Variants in MACF1 observed in about 807,000 individuals in gnomAD.
MACF1 encodes microtubule-actin cross-linking factor 1.
A neutral mutation model predicts 854.8 loss-of-function variants in MACF1; 193 were observed. That is an observed-to-expected ratio of 0.23 (90% confidence interval 0.20 to 0.25). The LOEUF is 0.25. Ranked by LOEUF, MACF1 falls within the 10% of genes least tolerant of loss-of-function variation. The pLI is 1.00. For missense variants in MACF1, 7,722 were observed against 8,929.1 expected (o/e 0.86, Z 5.45); for synonymous variants, 3,185 against 3,226.7 (o/e 0.99, Z 0.44).
chr1:39,430,689 T>G lies in MACF1; in HGVS notation c.17131-13T>G, dbSNP rs1425523645. The G allele has an allele frequency of 6.2e-7, 1 of 1,609,052 alleles. No individual in the cohort carries two copies. Among genetic ancestry groups the G allele is most frequent in the Non-Finnish European group, 8.5e-7 (1 of 1,177,476 alleles). On this transcript the variant is annotated splice_polypyrimidine_tract_variant and intron_variant, in intron 65 of 100. Transcript: ENST00000564288. ...TAGCAAGGTATGGCCTGAAAACTCT[T>G]TTCCCTCCTTAGGAATTAAAGAAGG... is the stretch of plus-strand genomic sequence containing the variant.
intron 2 of MACF1, among the ~76,000 whole-genome samples, chr1:39,106,930 A>C (rs752575042): frequency 1.8e-4 from 28 of 151,826 alleles, no homozygotes; most frequent in Non-Finnish European, 3.5e-4. Context: ...AGCTCCTGTA[A>C]ACTGTCCAGC....
intron 49 of MACF1, 115 bp from the exon 50 acceptor site, chr1:39,368,033 A>T: frequency 4.6e-6 from 3 of 659,258 alleles, no homozygotes; most frequent in Non-Finnish European, 7.3e-6. Context: ...TGAGTTGCAT[A>T]TTTATTGTTT....
intron 40 of MACF1, among the ~76,000 whole-genome samples, chr1:39,341,850 T>C (rs558691406): frequency 5.3e-5 from 8 of 151,574 alleles, no homozygotes; most frequent in African/African-American, 1.7e-4. Context: ...CTTTGTTTCT[T>C]TTTTGACCAC....
intron 2 of MACF1, among the ~76,000 whole-genome samples, chr1:39,091,597 G>C (rs376973793): frequency 1.2e-3 from 182 of 152,206 alleles, no homozygotes; most frequent in African/African-American, 4.1e-3. Flanking sequence ...CCAAATTCAA[G>C]CGATTCTCCT....
intron 6 of MACF1, among the ~76,000 whole-genome samples, chr1:39,276,132 C>T (rs1645432207): frequency 6.6e-6 from 1 of 152,076 alleles, no homozygotes; most frequent in Non-Finnish European, 1.5e-5. Flanking sequence ...GTTTCCCAGG[C>T]TCGTCTTGAA....
chr1:39,190,395 G>GTTGT lies in MACF1; in HGVS notation c.221-40785_221-40784insGTTT, dbSNP rs1644237768. On this transcript the variant is annotated intron_variant, in intron 2 of 93. Transcript: ENST00000361689. ...TGTGTGTGTGTGTGTGTGTGTGTTT[G>GTTGT]TTTTTGTTTTTTTTTTTTTTTTTTG... Among the ~76,000 whole-genome samples, 10 of 79,042 alleles carry GTTGT rather than the reference G, an allele frequency of 1.3e-4. 1 individual carries two copies. The highest frequency in any genetic ancestry group is 1.9e-4 in the Non-Finnish European group (8 of 42,368). The allele number at this position is 79,042 out of a possible 152,430, so 51.9% of individuals were successfully genotyped here.
At position 39,282,599 on chromosome 1, in the gene MACF1, G is replaced by A. The variant is rs3818806; in HGVS notation, c.695+225G>A. ...CTCTCATGGAACTTATCTTTCAGTA[G>A]GGAGAATAGGTAATAAATGTATGCC... is the stretch of plus-strand genomic sequence containing the variant. On this transcript the variant is annotated intron_variant, in intron 7 of 100. Coordinates refer to ENST00000564288, the MANE Select transcript of MACF1 (RefSeq NM_001394062.1). Among the ~76,000 whole-genome samples, 24,407 of 152,228 alleles carry A rather than the reference G, an allele frequency of 0.16. 2,432 individuals are homozygous for A. The highest frequency in any genetic ancestry group is 0.22 in the Middle Eastern group (65 of 294).
chr1:39,473,470 A>G (rs1644815938), intron 97 of MACF1, among the ~76,000 whole-genome samples: 1 of 152,328 alleles, frequency 6.6e-6, no homozygotes, highest in African/African-American at 2.4e-5. Context: ...GTTGGCAGTC[A>G]CAAATTTAAC....
chr1:39,233,620 A>G (rs1644811479), intron 2 of MACF1, among the ~76,000 whole-genome samples: 1 of 151,884 alleles, frequency 6.6e-6, no homozygotes, highest in Admixed American at 6.6e-5. Flanking sequence ...TCTTAGGGCC[A>G]CTTGTTTAGT....
Position 39,334,422 on chromosome 1 carries a change from C to G in MACF1, c.7834C>G (p.Pro2612Ala). 1 of 1,613,984 alleles carries G rather than the reference C, an allele frequency of 6.2e-7. No homozygotes were observed. Among genetic ancestry groups the G allele is most frequent in the Non-Finnish European group, 8.5e-7 (1 of 1,179,954 alleles). ...GLLTNEAVLS[P>A]GMMHGIVDPE... is the part of the protein sequence containing the mutation. ...GTTAACTAATGAAGCAGTATTGTCT[C>G]CAGGAATGATGCATGGCATTGTAGA... Residue 2612 changes from proline (P) to alanine (A), a missense_variant, in exon 37 of 101, where the codon CCA becomes GCA. Pro to Ala is a conservative substitution (Grantham distance 27). Coordinates refer to ENST00000564288, the MANE Select transcript of MACF1 (RefSeq NM_001394062.1).
intron 2 of MACF1, among the ~76,000 whole-genome samples, chr1:39,121,717 G>C (rs1256140115): frequency 6.6e-6 from 1 of 152,126 alleles, no homozygotes; most frequent in Non-Finnish European, 1.5e-5. Context: ...CAAAGTGCTA[G>C]GATTATAGGC....
rs374316302 is a variant in MACF1 at position 39,361,492 on chromosome 1, C to A, written c.12586C>A (p.Arg4196=). ...GGGCAAACTGGCAGAGGTGAGCCAG[C>A]GGTTCGAACAGCTCTGTCTACAGCA... is the stretch of plus-strand genomic sequence containing the variant. ...LQGKLAEVSQ[R]FEQLCLQQQE... Residue 4196 remains arginine, a synonymous_variant, in exon 49 of 101, where the codon CGG becomes AGG. Coordinates refer to ENST00000564288, the MANE Select transcript of MACF1 (RefSeq NM_001394062.1). The A allele has an allele frequency of 3.7e-6, 6 of 1,614,054 alleles. No homozygotes were observed. The highest frequency in any genetic ancestry group is 1.6e-4 in the Middle Eastern group (1 of 6,082).
intron 2 of MACF1, among the ~76,000 whole-genome samples, chr1:39,190,124 G>A (rs1571153380): frequency 1.3e-5 from 2 of 152,060 alleles, no homozygotes; most frequent in East Asian, 3.9e-4. Flanking sequence ...TCTGATATGT[G>A]CTTATTTAGA....
At chr1:39,461,824 A>T (rs1644561466) in intron 92 of MACF1, 59 bp from the exon 93 acceptor site, 1 of 1,059,876 alleles carries the variant, frequency 9.4e-7, no homozygotes, top group Admixed American at 2.5e-5. Flanking sequence ...AAAAATCTAT[A>T]ACCGCCAACC....
chr1:39,089,571 C>A (rs1641755177), intron 2 of MACF1, among the ~76,000 whole-genome samples: 1 of 152,188 alleles, frequency 6.6e-6, no homozygotes, highest in Non-Finnish European at 1.5e-5. Flanking sequence ...TCCCATCTTA[C>A]CCTTTTTGCC....
chr1:39,251,538 T>C (rs1370793082), intron 3 of MACF1, among the ~76,000 whole-genome samples: 1 of 152,222 alleles, frequency 6.6e-6, no homozygotes, highest in African/African-American at 2.4e-5. Context: ...GGATATCATC[T>C]CTTCACCAAA....
intron 97 of MACF1, among the ~76,000 whole-genome samples, chr1:39,478,800 T>C (rs1274353474): frequency 1.3e-5 from 2 of 152,228 alleles, no homozygotes; most frequent in African/African-American, 4.8e-5. Flanking sequence ...ATGACAAATA[T>C]TTTGTTCATA....
intron 23 of MACF1, among the ~76,000 whole-genome samples, chr1:39,307,763 G>A (rs1422867039): frequency 1.3e-5 from 2 of 150,548 alleles, no homozygotes; most frequent in African/African-American, 4.9e-5. Flanking sequence ...TAGTAGAGAC[G>A]GGGTTTCGCC....
intron 58 of MACF1, among the ~76,000 whole-genome samples, chr1:39,422,109 TA>T (rs896580572): frequency 6.6e-6 from 1 of 151,926 alleles, no homozygotes; most frequent in Non-Finnish European, 1.5e-5. Context: ...CAACAGATTT[TA>T]AAAAAAAGAA....
Sources: gnomAD v4.1 joint callset for allele counts (sites outside exome capture counted in the v4.1 genomes callset) on GRCh38, gnomAD v4.1.1 for gene constraint, MANE v1.5 for transcripts, NCBI Gene and HGNC (gene_info 2026-07-23, HGNC 2026-07-21) for gene names.